CRIM1: variants seen among roughly 807,000 people sequenced by gnomAD.
The protein encoded by CRIM1 is cysteine-rich motor neuron 1 protein.
A neutral mutation model predicts 116.4 loss-of-function variants in CRIM1; 32 were observed. The ratio of observed to expected loss-of-function variants is 0.27; its 90% confidence interval spans 0.21 to 0.37. The LOEUF (loss-of-function observed/expected upper bound fraction) is 0.37, where lower values mean the gene tolerates loss of function less well. Among genes scored for constraint, CRIM1 ranks in the 10% least tolerant of loss-of-function variants. CRIM1 has a pLI of 1.00. For missense variants in CRIM1, 1,331 were observed against 1,354.8 expected (o/e 0.98, Z 0.28); for synonymous variants, 590 against 509.2 (o/e 1.16, Z -2.13).
intron 1 of CRIM1, among the ~76,000 whole-genome samples, chr2:36,380,768 G>T (rs1670684587): frequency 6.6e-6 from 1 of 152,236 alleles, no homozygotes; most frequent in Non-Finnish European, 1.5e-5. Context: ...TCAGAGGACT[G>T]TTGCCACACC....
At chr2:36,517,200 A>T in intron 11 of CRIM1, 127 bp from the exon 12 acceptor site, 1 of 695,180 alleles carries the variant, frequency 1.4e-6, no homozygotes, top group Non-Finnish European at 2.5e-6. Flanking sequence ...TATTCTCTTA[A>T]TAAGAATAGA....
At chr2:36,511,089 G>A (rs1368660076) in intron 9 of CRIM1, among the ~76,000 whole-genome samples, 4 of 151,980 alleles carry the variant, frequency 2.6e-5, no homozygotes, top group Non-Finnish European at 5.9e-5. Context: ...CTAGAGGCAT[G>A]CGCCACCATG....
In CRIM1 at chr2:36,402,991, A is replaced by T. The variant is rs115701960; in HGVS notation, c.505+6204A>T. Reference sequence around the variant, plus strand: ...CATACATACATGCTCTATGGTGTATAATTACAAAGAGATATCCCTGAGAAA... The same window carrying T: ...CATACATACATGCTCTATGGTGTATTATTACAAAGAGATATCCCTGAGAAA... On this transcript the variant is annotated intron_variant, in intron 2 of 16. Transcript: ENST00000280527. Among the ~76,000 whole-genome samples, 1,173 of 152,314 alleles carry T rather than the reference A, an allele frequency of 7.7e-3. 15 individuals carry two copies. Among genetic ancestry groups the T allele is most frequent in the African/African-American group, 0.027 (1,124 of 41,560 alleles).
chr2:36,509,943 T>A (rs1489553633), intron 8 of CRIM1, 40 bp from the exon 9 acceptor site: 1 of 1,598,122 alleles, frequency 6.3e-7, no homozygotes, highest in Admixed American at 1.7e-5. Context: ...TCTGCTCTGT[T>A]CATCTTTGGA....
intron 5 of CRIM1, among the ~76,000 whole-genome samples, chr2:36,472,265 C>G (rs1431615499): frequency 1.3e-5 from 2 of 151,960 alleles, no homozygotes; most frequent in East Asian, 3.9e-4. Flanking sequence ...CTGAGATTCA[C>G]ATCTACCCCT....
chr2:36,356,367 G>A lies in CRIM1; in HGVS notation c.75G>A (p.Leu25=), dbSNP rs1302434239. ...HLLVSLLGLL[L]LLARSGTRAL... The stretch of plus-strand genomic sequence containing the variant: ...TGGTCTCGCTGCTGGGGCTGCTGCT[G>A]CTGCTGGCGCGCTCCGGCACCCGGG... Residue 25 remains leucine (L), a synonymous_variant, in exon 1 of 17, where the codon CTG becomes CTA. Transcript: ENST00000280527. This position sits in a 1 kb window ranked among gnomAD's most constrained non-coding sequence, Gnocchi z 4.3. The A allele has an allele frequency of 3.1e-6, 5 of 1,595,020 alleles. No individual in the cohort carries two copies. In the Admixed American group the frequency reaches 8.7e-5, roughly 28 times the overall value.
intron 2 of CRIM1, among the ~76,000 whole-genome samples, chr2:36,404,795 T>C (rs148637620): frequency 6.6e-6 from 1 of 152,368 alleles, no homozygotes; most frequent in East Asian, 1.9e-4. Flanking sequence ...TTTTTTCTTT[T>C]CATTTTTAAA....
chr2:36,398,336 G>A (rs1298506379), intron 2 of CRIM1, among the ~76,000 whole-genome samples: 1 of 152,092 alleles, frequency 6.6e-6, no homozygotes, highest in Admixed American at 6.5e-5. Flanking sequence ...TGCCACCTAA[G>A]TTGTTTGAGA....
intron 2 of CRIM1, among the ~76,000 whole-genome samples, chr2:36,427,277 C>G (rs1244975128): frequency 6.6e-6 from 1 of 152,038 alleles, no homozygotes; most frequent in East Asian, 1.9e-4. Context: ...TCATCCTCCT[C>G]ATTTGCTAGG....
intron 2 of CRIM1, among the ~76,000 whole-genome samples, chr2:36,415,207 T>C (rs1673519763): frequency 6.6e-6 from 1 of 152,088 alleles, no homozygotes; most frequent in African/African-American, 2.4e-5. Context: ...TTGGTACCAT[T>C]TCCTAAGATG....
At chr2:36,451,625 T>G (rs185914104) in intron 4 of CRIM1, among the ~76,000 whole-genome samples, 1 of 152,316 alleles carries the variant, frequency 6.6e-6, no homozygotes, top group East Asian at 1.9e-4. Context: ...GCTCAAATGC[T>G]TATCCTTCCG....
At chr2:36,393,996 G>A (rs1198323138) in intron 1 of CRIM1, among the ~76,000 whole-genome samples, 1 of 152,142 alleles carries the variant, frequency 6.6e-6, no homozygotes, top group Non-Finnish European at 1.5e-5. Flanking sequence ...GACATTGTGG[G>A]GAATGAGGTG....
chr2:36,531,871 C>A, intron 13 of CRIM1: 1 of 469,774 alleles, frequency 2.1e-6, no homozygotes, highest in South Asian at 1.6e-5. Context: ...TATCTGAATC[C>A]CAAAAGAAAA....
chr2:36,440,420 A>C (rs996741482), intron 2 of CRIM1, among the ~76,000 whole-genome samples: 2 of 152,056 alleles, frequency 1.3e-5, no homozygotes, highest in African/African-American at 4.8e-5. Context: ...CTTTTAGTCT[A>C]TTTCCATCTT....
intron 1 of CRIM1, among the ~76,000 whole-genome samples, chr2:36,372,787 C>G (rs1164403833): frequency 6.6e-6 from 1 of 152,092 alleles, no homozygotes; most frequent in African/African-American, 2.4e-5. Context: ...ACTTCAGATC[C>G]TTTTATTGGT....
At chr2:36,482,588 G>T (rs1350806200) in intron 7 of CRIM1, among the ~76,000 whole-genome samples, 1 of 152,208 alleles carries the variant, frequency 6.6e-6, no homozygotes, top group Non-Finnish European at 1.5e-5. Context: ...AAGAAAAAGT[G>T]CAAGGTGTTA....
intron 13 of CRIM1, among the ~76,000 whole-genome samples, chr2:36,534,383 GAGGGAGGGGGAAGGAAGGA>G (rs1243409532): frequency 1.2e-4 from 16 of 138,232 alleles, no homozygotes; most frequent in Admixed American, 1.1e-3. Context: ...GGAAGGAAGG[GAGGGAGGGGGAAGGAAGGA>G]AGGGAAAAAT....
chr2:36,546,589 A>C (rs1220489345), intron 15 of CRIM1, among the ~76,000 whole-genome samples: 3 of 152,116 alleles, frequency 2.0e-5, no homozygotes, highest in African/African-American at 7.2e-5. Context: ...CCTGTTTGCC[A>C]ATAAATCAGC....
chr2:36,452,948 C>CAT (rs1431335578), intron 4 of CRIM1, among the ~76,000 whole-genome samples: 2 of 152,140 alleles, frequency 1.3e-5, no homozygotes, highest in Admixed American at 1.3e-4. Flanking sequence ...CTCTCCATAC[C>CAT]CTCTTTTGCT....
Sources: gnomAD v4.1 joint callset for allele counts (sites outside exome capture counted in the v4.1 genomes callset) on GRCh38, gnomAD v4.1.1 for gene constraint, Gnocchi (gnomAD v3.1) non-coding constraint, MANE v1.5 for transcripts, NCBI Gene and HGNC (gene_info 2026-07-23, HGNC 2026-07-21) for gene names.